ARL14EPL: variants seen among roughly 807,000 people sequenced by gnomAD.
ARL14EPL encodes ARL14 effector protein-like.
Under a neutral mutation model 15.9 loss-of-function variants are expected in ARL14EPL, and 17 were observed. The observed-to-expected ratio is 1.07, with a 90% CI of 0.73 to 1.60. The LOEUF is 1.60. ARL14EPL is among the 40% of genes most tolerant of loss of function. The pLI is 0.00. For synonymous variants in ARL14EPL, 78 were observed against 63.8 expected, an observed-to-expected ratio of 1.22 and a Z score of -1.06; for missense variants, 214 against 185.9, an observed-to-expected ratio of 1.15 and a Z score of -0.88.
rs1749372145 is a variant in ARL14EPL at position 116,051,306 on chromosome 5, C to A, written c.-9-151C>A. ...TGGGGGAGTCAGAGGCAAGGTTTAA[C>A]AGTGAGTGGGAGAAAAGGTTCTGGG... On this transcript the variant is annotated intron_variant, in intron 1 of 3. Coordinates refer to ENST00000686077, the MANE Select transcript of ARL14EPL (RefSeq NM_001195581.2). 5 of 586,536 alleles carry A rather than the reference C, an allele frequency of 8.5e-6. No individual in the cohort carries two copies. In the Admixed American group the frequency reaches 1.3e-4, roughly 15 times the overall value. The allele number at this position is 586,536 out of a possible 1,614,324, so 36.3% of individuals were successfully genotyped here. A position where few individuals can be genotyped will look rare whatever the true frequency, so the allele number is the denominator to read the frequency against.
chr5:116,051,750 TCTC>T (rs1285234457), intron 2 of ARL14EPL, among the ~76,000 whole-genome samples, 189 bp downstream of exon 2: 22 of 152,342 alleles, frequency 1.4e-4, no homozygotes, highest in African/African-American at 5.3e-4. Flanking sequence ...GCCTCACACA[TCTC>T]CTCTCCACCT....
At chr5:116,052,692 T>G (rs1438809622) in intron 2 of ARL14EPL, among the ~76,000 whole-genome samples, 1 of 152,228 alleles carries the variant, frequency 6.6e-6, no homozygotes, top group East Asian at 1.9e-4. Context: ...AACAACCATA[T>G]ACACCAAGAT....
At chr5:116,040,269 C>A (rs1749124389) in intron 1 of ARL14EPL, among the ~76,000 whole-genome samples, 1 of 151,918 alleles carries the variant, frequency 6.6e-6, no homozygotes, top group Non-Finnish European at 1.5e-5. Flanking sequence ...TTAATCACTT[C>A]TTTAATGCCT....
intron 1 of ARL14EPL, among the ~76,000 whole-genome samples, chr5:116,043,952 G>A (rs549061702): frequency 6.6e-6 from 1 of 152,268 alleles, no homozygotes; most frequent in East Asian, 1.9e-4. Context: ...TTACTGTGTA[G>A]GAAGTGATTG....
chr5:116,053,107 G>A (rs768750212), intron 2 of ARL14EPL, among the ~76,000 whole-genome samples: 4 of 152,184 alleles, frequency 2.6e-5, no homozygotes, highest in Non-Finnish European at 5.9e-5. Context: ...AACTTTGGGA[G>A]CCCAAGGCAG....
intron 3 of ARL14EPL, 148 bp from the exon 4 acceptor site, chr5:116,058,576 CT>C (rs1256877958): frequency 1.4e-6 from 1 of 730,224 alleles, no homozygotes; most frequent in Non-Finnish European, 2.2e-6. Context: ...CCCTGGAGTT[CT>C]GGTCCAGAGT....
At position 116,033,505 on chromosome 5, in the gene ARL14EPL, T is replaced by G. The variant is rs563891755; in HGVS notation, c.-10+1000T>G. On this transcript the variant is annotated intron_variant, in intron 1 of 3. Coordinates refer to ENST00000686077, the MANE Select transcript of ARL14EPL (RefSeq NM_001195581.2). Reference sequence around the variant, plus strand: ...ACTATAGGCTTATGGGGACATAACTTCATCATAAATTAAGATCACCTGTAA... The same window carrying G: ...ACTATAGGCTTATGGGGACATAACTGCATCATAAATTAAGATCACCTGTAA... 2.0e-5 allele frequency among the ~76,000 whole-genome samples: 3 copies of G among 152,306 alleles called. No homozygotes were observed. The East Asian group carries it at 5.8e-4, about 29-fold the overall frequency.
At chr5:116,043,833 C>A (rs1040344186) in intron 1 of ARL14EPL, among the ~76,000 whole-genome samples, 2 of 152,130 alleles carry the variant, frequency 1.3e-5, no homozygotes, top group Admixed American at 1.3e-4. Flanking sequence ...CTACCTTTGC[C>A]TTCGGCCCTT....
At chr5:116,051,686 G>A (rs571257596) in intron 2 of ARL14EPL, 125 bp downstream of exon 2, 11 of 829,516 alleles carry the variant, frequency 1.3e-5, no homozygotes, top group South Asian at 7.2e-5. Context: ...GAGCTCTGCC[G>A]CCCAGGCTGA....
intron 1 of ARL14EPL, among the ~76,000 whole-genome samples, chr5:116,042,932 C>T (rs1020652714): frequency 2.0e-5 from 3 of 152,040 alleles, no homozygotes; most frequent in Admixed American, 2.0e-4. Context: ...TTATATAACT[C>T]TATAGAGATC....
chr5:116,057,876 G>A (rs1258486980), intron 3 of ARL14EPL, among the ~76,000 whole-genome samples: 1 of 152,194 alleles, frequency 6.6e-6, no homozygotes, highest in East Asian at 1.9e-4. Context: ...TTGGACTTCA[G>A]TGGTAATAAC....
intron 1 of ARL14EPL, among the ~76,000 whole-genome samples, chr5:116,034,215 A>T (rs10455009): frequency 6.6e-6 from 1 of 152,198 alleles, no homozygotes; most frequent in Non-Finnish European, 1.5e-5. Flanking sequence ...CTTGAGATCA[A>T]CAAAGGCGGT....
chr5:116,054,191 A>T (rs1251572677), intron 3 of ARL14EPL, 38 bp downstream of exon 3: 1 of 1,495,862 alleles, frequency 6.7e-7, no homozygotes, highest in East Asian at 2.5e-5. Context: ...CTGTGGGATT[A>T]TGAAATGCAT....
intron 3 of ARL14EPL, among the ~76,000 whole-genome samples, chr5:116,056,273 A>C (rs1749514797): frequency 6.6e-6 from 1 of 152,036 alleles, no homozygotes; most frequent in Non-Finnish European, 1.5e-5. Flanking sequence ...AACAGTGTAA[A>C]AGTGTTCCTG....
chr5:116,046,318 A>C (rs1438782944), intron 1 of ARL14EPL, among the ~76,000 whole-genome samples: 1 of 152,208 alleles, frequency 6.6e-6, no homozygotes, highest in Non-Finnish European at 1.5e-5. Flanking sequence ...TTGCTTTGAT[A>C]ATTTGCTAGT....
intron 2 of ARL14EPL, chr5:116,052,226 T>G: frequency 6.2e-7 from 1 of 1,604,736 alleles, no homozygotes; most frequent in Non-Finnish European, 8.5e-7. Flanking sequence ...GTTCACTGGG[T>G]CTTTGTTTTT....
chr5:116,042,713 A>G (rs1411979761), intron 1 of ARL14EPL, among the ~76,000 whole-genome samples: 1 of 152,182 alleles, frequency 6.6e-6, no homozygotes, highest in Non-Finnish European at 1.5e-5. Context: ...TTCCTACTGT[A>G]GCCCCTCCCT....
intron 1 of ARL14EPL, among the ~76,000 whole-genome samples, chr5:116,038,708 G>A (rs1197072449): frequency 6.6e-6 from 1 of 151,854 alleles, no homozygotes; most frequent in Non-Finnish European, 1.5e-5. Context: ...CATGGGGTGG[G>A]GAGGGCGGGT....
chr5:116,046,515 G>T (rs1257262824), intron 1 of ARL14EPL, among the ~76,000 whole-genome samples: 1 of 152,188 alleles, frequency 6.6e-6, no homozygotes, highest in Admixed American at 6.5e-5. Context: ...ATAGAGGTAT[G>T]GACCTGGTGC....
Sources: gnomAD v4.1 joint callset for allele counts (sites outside exome capture counted in the v4.1 genomes callset) on GRCh38, gnomAD v4.1.1 for gene constraint, MANE v1.5 for transcripts, NCBI Gene and HGNC (gene_info 2026-07-23, HGNC 2026-07-21) for gene names.